The following LIFR variants were observed in gnomAD, a reference collection of about 807,000 sequenced individuals.
LIFR encodes LIF receptor subunit alpha, also known as leukemia inhibitory factor receptor.
A neutral mutation model predicts 122.2 loss-of-function variants in LIFR; 84 were observed. The ratio of observed to expected loss-of-function variants is 0.69; its 90% CI spans 0.58 to 0.82. The LOEUF (loss-of-function observed/expected upper bound fraction) is 0.82, where lower values mean the gene tolerates loss of function less well. Ranked by LOEUF, LIFR falls within the 40% of genes least tolerant of loss-of-function variation. The probability of loss-of-function intolerance (pLI) is 0.00; values close to 1 mark genes in which losing one functional copy is unlikely to be tolerated. For missense variants in LIFR, 1,294 were observed against 1,311.6 expected (o/e 0.99, Z 0.21); for synonymous variants, 422 against 434.7 (o/e 0.97, Z 0.36).
At chr5:38,568,874 C>T (rs1422049410) in intron 1 of LIFR, among the ~76,000 whole-genome samples, 1 of 152,180 alleles carries the variant, frequency 6.6e-6, no homozygotes, top group Non-Finnish European at 1.5e-5. Flanking sequence ...AAAGAAAGCA[C>T]AACTGGGCAG....
intron 13 of LIFR, among the ~76,000 whole-genome samples, chr5:38,495,654 C>T (rs1044789924): frequency 1.3e-5 from 2 of 152,164 alleles, no homozygotes; most frequent in African/African-American, 4.8e-5. Flanking sequence ...CAGAAAGGTG[C>T]TCCCATATCG....
chr5:38,491,759 A>G (rs1360818374), intron 14 of LIFR, among the ~76,000 whole-genome samples: 1 of 152,216 alleles, frequency 6.6e-6, no homozygotes, highest in Non-Finnish European at 1.5e-5. Context: ...CACTTTCCTT[A>G]AACGTTTGTT....
chr5:38,556,785 C>T (rs1179948969), upstream of LIFR: 1 of 147,744 alleles, frequency 6.8e-6, no homozygotes, highest in Non-Finnish European at 1.5e-5. Flanking sequence ...CGCGCGCCCG[C>T]GCGCGCGGGT....
In LIFR at chr5:38,482,167, C is replaced by T; in HGVS notation, c.2722G>A (p.Val908Ile). 1 of 1,588,142 alleles carries T rather than the reference C, an allele frequency of 6.3e-7. No homozygotes were observed. The highest frequency in any genetic ancestry group is 8.5e-7 in the Non-Finnish European group (1 of 1,172,772). The stretch of plus-strand genomic sequence containing the variant: ...GCTGATCGAGTTTCCAGAACCTCAA[C>T]ATTATTTGGGGTACAAGGATTCATT... ...LEMNPCTPNNVEVLETRSAFP... is the reference protein window; with the variant it reads ...LEMNPCTPNNIEVLETRSAFP... The change falls in exon 20 of 20, where the codon GTT (valine) becomes ATT (isoleucine). Residue 908 changes from valine (V) to isoleucine (I), a missense_variant. By Grantham distance (29) the Val-to-Ile change is conservative. Coordinates refer to ENST00000453190, the MANE Select transcript of LIFR (RefSeq NM_001127671.2).
At chr5:38,561,335 G>C (rs148610316), upstream of LIFR, among the ~76,000 whole-genome samples, 719 of 152,182 alleles carry the variant, frequency 4.7e-3, 5 homozygotes, top group African/African-American at 0.017. Flanking sequence ...TGGTTGTTTC[G>C]TTTTTGTTTT....
chr5:38,510,083 G>C lies in LIFR; in HGVS notation c.991+381C>G, dbSNP rs987016631. 2.0e-5 allele frequency among the ~76,000 whole-genome samples: 3 copies of C among 152,102 alleles called. No individual in the cohort carries two copies. The East Asian group carries it at 5.8e-4, about 29-fold the overall frequency. On this transcript the variant is annotated intron_variant, in intron 7 of 19. Transcript: ENST00000453190. ...AAATTGCTATAATTTCTTTAATTTA[G>C]ATACTTTAAAAAAGGTATACTTTAA...
At chr5:38,584,683 A>C (rs1749691494) in intron 1 of LIFR, among the ~76,000 whole-genome samples, 1 of 152,188 alleles carries the variant, frequency 6.6e-6, no homozygotes, top group Admixed American at 6.5e-5. Flanking sequence ...GACAAGGAGA[A>C]TGAAACAGTG....
Position 38,493,603 on chromosome 5 carries a change from T to C in LIFR, c.2065+3A>G. ...TTAATTGAGAGACACTAATTCATCT[T>C]ACCAGATTCTATTACAGTTTCAGTG... is the stretch of plus-strand genomic sequence containing the variant. On this transcript the variant is annotated splice_donor_region_variant and intron_variant, in intron 14 of 19. Transcript: ENST00000453190. The C allele has an allele frequency of 1.2e-6, 2 of 1,613,186 alleles. No homozygotes were observed. Among genetic ancestry groups the C allele is most frequent in the Middle Eastern group, 1.7e-4 (1 of 6,058 alleles).
intron 2 of LIFR, among the ~76,000 whole-genome samples, chr5:38,602,980 C>A (rs779932609): frequency 6.6e-6 from 1 of 152,166 alleles, no homozygotes; most frequent in South Asian, 2.1e-4. Context: ...GAGCCTCAGA[C>A]GTGCATGCTT....
intron 1 of LIFR, among the ~76,000 whole-genome samples, chr5:38,548,456 A>G (rs1177470779): frequency 6.6e-6 from 1 of 152,232 alleles, no homozygotes; most frequent in African/African-American, 2.4e-5. Flanking sequence ...ACTTAACTGC[A>G]GTAACTATCT....
chr5:38,546,962 C>T (rs1348982378), intron 1 of LIFR, among the ~76,000 whole-genome samples: 1 of 152,128 alleles, frequency 6.6e-6, no homozygotes, highest in Admixed American at 6.5e-5. Context: ...AGCCAGCGAC[C>T]CAATGTCTAC....
chr5:38,509,812 G>A (rs1745698828), intron 7 of LIFR, among the ~76,000 whole-genome samples: 1 of 152,134 alleles, frequency 6.6e-6, no homozygotes, highest in African/African-American at 2.4e-5. Flanking sequence ...TTTATCTGTG[G>A]ACATTCAACA....
intron 1 of LIFR, among the ~76,000 whole-genome samples, chr5:38,578,679 G>A (rs1749478793): frequency 6.6e-6 from 1 of 151,896 alleles, no homozygotes; most frequent in African/African-American, 2.4e-5. Context: ...AGCCTCCTGA[G>A]TAGCTGAGAT....
In LIFR at chr5:38,476,916, T is replaced by C. The variant is rs1233245301; in HGVS notation, c.*4679A>G. On this transcript the variant is annotated 3_prime_UTR_variant, in exon 20 of 20. Transcript: ENST00000453190. ...AATCCAAATATTAACATTCCTAATA[T>C]AGGGAAAAATAAGCACCATTCATAG... The C allele has an allele frequency of 9.3e-6, 2 of 215,190 alleles. No individual in the cohort carries two copies. The highest frequency in any genetic ancestry group is 1.9e-4 in the South Asian group (1 of 5,354). 13.3% of individuals were successfully genotyped at this position (215,190 alleles called of 1,614,324 possible). A position where few individuals can be genotyped will look rare whatever the true frequency, so the allele number is the denominator to read the frequency against.
chr5:38,600,626 G>A (rs1210236836), intron 2 of LIFR, among the ~76,000 whole-genome samples: 1 of 152,122 alleles, frequency 6.6e-6, no homozygotes, highest in Non-Finnish European at 1.5e-5. Context: ...TGTTCTCTTG[G>A]TTCTTTCTCA....
chr5:38,518,708 T>C (rs1746238274), intron 5 of LIFR, among the ~76,000 whole-genome samples: 1 of 152,230 alleles, frequency 6.6e-6, no homozygotes, highest in South Asian at 2.1e-4. Flanking sequence ...TTTCTATCAT[T>C]ATTTTTGAGG....
At chr5:38,538,035 C>T (rs1033250243) in intron 1 of LIFR, among the ~76,000 whole-genome samples, 1 of 152,116 alleles carries the variant, frequency 6.6e-6, no homozygotes, top group Admixed American at 6.5e-5. Context: ...CCTTCAAGTA[C>T]ATTTAAGGTG....
chr5:38,506,353 C>G, intron 8 of LIFR, 150 bp downstream of exon 8: 1 of 869,692 alleles, frequency 1.1e-6, no homozygotes, highest in Non-Finnish European at 1.8e-6. Context: ...TGTGGCTGAA[C>G]TGCAGTGCTT....
At chr5:38,598,399 A>G (rs1750161380), upstream of LIFR, among the ~76,000 whole-genome samples, 1 of 151,020 alleles carries the variant, frequency 6.6e-6, no homozygotes, top group Non-Finnish European at 1.5e-5. Flanking sequence ...GGCATGCACC[A>G]CCATGCCTGG....
Sources: gnomAD v4.1 joint callset for allele counts (sites outside exome capture counted in the v4.1 genomes callset) on GRCh38, gnomAD v4.1.1 for gene constraint, MANE v1.5 for transcripts, NCBI Gene and HGNC (gene_info 2026-07-23, HGNC 2026-07-21) for gene names.